DNAH14: variants seen among roughly 807,000 people sequenced by gnomAD.
The protein encoded by DNAH14 is dynein axonemal heavy chain 14, also known as axonemal beta dynein heavy chain 14.
In DNAH14, 478 loss-of-function variants were observed where a neutral mutation model predicts 520.9. The observed-to-expected ratio is 0.92, with a 90% CI of 0.85 to 0.99. The LOEUF is 0.99. Among genes scored for constraint, DNAH14 ranks in the 50% least tolerant of loss-of-function variants. The probability of loss-of-function intolerance (pLI) is 0.00; values close to 1 mark genes in which losing one functional copy is unlikely to be tolerated. For missense variants in DNAH14, 4,831 were observed against 5,234.5 expected (o/e 0.92, Z 2.38); for synonymous variants, 1,581 against 1,757.2 (o/e 0.90, Z 2.51).
rs555987753 is a variant in DNAH14 at position 225,033,884 on chromosome 1, A to G, written c.1359-4810A>G. Among the ~76,000 whole-genome samples the G allele has an allele frequency of 4.6e-5, 7 of 152,124 alleles. No individual in the cohort carries two copies. In the South Asian group the frequency reaches 1.5e-3, roughly 32 times the overall value. Reference sequence around the variant, plus strand: ...GGCTCTTGGCTTGATTGTTGTTAGTATATAGGAATGCTAGTGATTTCTGTA... The same window carrying G: ...GGCTCTTGGCTTGATTGTTGTTAGTGTATAGGAATGCTAGTGATTTCTGTA... On this transcript the variant is annotated intron_variant, in intron 11 of 85. Coordinates refer to ENST00000682510, the MANE Select transcript of DNAH14 (RefSeq NM_001367479.1).
At chr1:225,320,688 A>G (rs1353456608) in intron 61 of DNAH14, among the ~76,000 whole-genome samples, 1 of 152,196 alleles carries the variant, frequency 6.6e-6, no homozygotes, top group Non-Finnish European at 1.5e-5. Context: ...ATCCTTTGCC[A>G]TTTTGCAACA....
intron 3 of DNAH14, among the ~76,000 whole-genome samples, chr1:224,956,365 G>A (rs947102281): frequency 2.0e-5 from 3 of 152,112 alleles, no homozygotes; most frequent in African/African-American, 7.2e-5. Flanking sequence ...GGTCCCATAA[G>A]ATAATAATAC....
chr1:225,266,759 A>G lies in DNAH14; in HGVS notation c.7529A>G (p.Asn2510Ser). 1 of 1,510,264 alleles carries G rather than the reference A, an allele frequency of 6.6e-7. No homozygotes were observed. Among genetic ancestry groups the G allele is most frequent in the Non-Finnish European group, 8.8e-7 (1 of 1,133,954 alleles). The allele number at this position is 1,510,264 out of a possible 1,614,324, so 93.6% of individuals were successfully genotyped here. ...GGAGGAGTTTATGATACTGAAAAAA[A>G]TACATGGAAGGTACAGTATATACTA... ...DLGGVYDTEK[N>S]TWKNIQDLSI... is the part of the protein sequence containing the mutation. Residue 2510 changes from asparagine (N) to serine (S), a missense_variant, in exon 49 of 86, where the codon AAT becomes AGT. Physicochemically the swap from Asn to Ser is conservative, Grantham distance 46 (BLOSUM62 1). Transcript: ENST00000682510.
At position 225,152,761 on chromosome 1, in the gene DNAH14, G is replaced by A; in HGVS notation, c.5074G>A (p.Val1692Met). 6.4e-7 allele frequency: 1 copy of A among 1,551,302 alleles called. No individual in the cohort carries two copies. Among genetic ancestry groups the A allele is most frequent in the Non-Finnish European group, 8.7e-7 (1 of 1,146,804 alleles). ...KSLFRPVAMMVPHYQMIAEII... is the reference protein window; with the variant it reads ...KSLFRPVAMMMPHYQMIAEII... ...TCTGTTTCGCCCAGTGGCAATGATG[G>A]TGCCCCATTATCAAATGATTGCTGA... The change falls in exon 33 of 86, where the codon GTG (valine) becomes ATG (methionine). Residue 1692 changes from valine (V) to methionine (M), a missense_variant. Val to Met is a conservative substitution (Grantham distance 21). Transcript: ENST00000682510.
intron 66 of DNAH14, among the ~76,000 whole-genome samples, chr1:225,335,079 A>G (rs1051345447): frequency 1.3e-5 from 2 of 149,048 alleles, no homozygotes; most frequent in African/African-American, 4.9e-5. Flanking sequence ...TATAACGTAC[A>G]TATGTACATA....
chr1:224,953,424 T>C (rs1273435883), intron 2 of DNAH14, among the ~76,000 whole-genome samples: 2 of 152,148 alleles, frequency 1.3e-5, no homozygotes, highest in African/African-American at 4.8e-5. Context: ...TTATGACCTT[T>C]ATGAGAAAAT....
chr1:225,197,417 A>G (rs1298084799), intron 38 of DNAH14, among the ~76,000 whole-genome samples: 1 of 152,166 alleles, frequency 6.6e-6, no homozygotes, highest in African/African-American at 2.4e-5. Flanking sequence ...TTTTTATACC[A>G]GTACCATGCT....
rs1217378705 is a variant in DNAH14, at chr1:225,289,896, T to C, written c.8283T>C (p.Asp2761=). The change falls in exon 55 of 86, where the codon GAT becomes GAC. Residue 2761 remains aspartate (D), a synonymous_variant. Transcript: ENST00000682510. ...PGSHMLLIGI[D]GCGKKTCATL... ...CTTTTCTCCCAAAGATTGGAATAGA[T>C]GGATGTGGGAAAAAAACATGTGCAA... The C allele has an allele frequency of 7.0e-7, 1 of 1,419,348 alleles. No individual in the cohort carries two copies. The highest frequency in any genetic ancestry group is 9.3e-7 in the Non-Finnish European group (1 of 1,076,144). 87.9% of individuals were successfully genotyped at this position (1,419,348 alleles called of 1,614,324 possible).
chr1:225,107,789 T>G (rs3120985), intron 23 of DNAH14, among the ~76,000 whole-genome samples: 11,111 of 152,258 alleles, frequency 0.073, 633 homozygotes, highest in East Asian at 0.24. Flanking sequence ...TTTCTCCATA[T>G]CCTTGCCAAC....
chr1:225,014,112 G>A (rs574394702), intron 10 of DNAH14, among the ~76,000 whole-genome samples: 57 of 152,330 alleles, frequency 3.7e-4, no homozygotes, highest in African/African-American at 1.3e-3. Context: ...TTCCTGGTCT[G>A]TGGGTTGCCA....
intron 1 of DNAH14, among the ~76,000 whole-genome samples, chr1:224,946,286 C>T (rs2059823571): frequency 6.6e-6 from 1 of 152,028 alleles, no homozygotes; most frequent in African/African-American, 2.4e-5. Context: ...GTAGGACCCT[C>T]CGAGCCAGAC....
intron 8 of DNAH14, among the ~76,000 whole-genome samples, chr1:224,974,586 G>C (rs757401359): frequency 2.6e-5 from 4 of 152,132 alleles, no homozygotes; most frequent in Non-Finnish European, 5.9e-5. Flanking sequence ...CTTTTACCCA[G>C]TTTCCCTCCC....
In DNAH14 at chr1:225,271,985, C is replaced by T. The variant is rs569630401; in HGVS notation, c.7751C>T (p.Ser2584Phe). The change falls in exon 51 of 86, where the codon TCC becomes TTC. Residue 2584 changes from serine to phenylalanine, a missense_variant. By Grantham distance (155) the Ser-to-Phe change is radical. Coordinates refer to ENST00000682510, the MANE Select transcript of DNAH14 (RefSeq NM_001367479.1). ...AGTAAGGATCAGATAATATCTTGTT[C>T]CCTAGCTATATACCATCAAGTACGT... ...QKSKDQIISC[S>F]LAIYHQVRQN... is the part of the protein sequence containing the mutation. 2.5e-4 allele frequency: 393 copies of T among 1,550,582 alleles called. 1 individual carries two copies. The Middle Eastern group carries it at 2.7e-3, about 11-fold the overall frequency.
chr1:225,193,018 G>A, intron 38 of DNAH14, 107 bp downstream of exon 38: 2 of 858,944 alleles, frequency 2.3e-6, no homozygotes, highest in Non-Finnish European at 3.3e-6. Flanking sequence ...TAGTGTAAAA[G>A]TAAATTTTAA....
Position 225,353,824 on chromosome 1 carries a change from A to C in DNAH14, c.11555A>C (p.Lys3852Thr). The C allele has an allele frequency of 6.6e-7, 1 of 1,512,344 alleles. No homozygotes were observed. The highest frequency in any genetic ancestry group is 8.9e-7 in the Non-Finnish European group (1 of 1,119,984). The allele number at this position is 1,512,344 out of a possible 1,614,324, so 93.7% of individuals were successfully genotyped here. The stretch of plus-strand genomic sequence containing the variant: ...CTAGCTGAACTTTTGAATGAAAATA[A>C]AGAAACGTGTAATCCTATAAATTTT... ...PEETELLNENKETCNPINFPW... is the reference protein window; with the variant it reads ...PEETELLNENTETCNPINFPW... Residue 3852 changes from lysine to threonine, a missense_variant, in exon 73 of 86, where the codon AAA becomes ACA. Transcript: ENST00000682510.
chr1:224,973,740 T>C (rs1002992377), intron 7 of DNAH14, among the ~76,000 whole-genome samples: 1 of 152,186 alleles, frequency 6.6e-6, no homozygotes, highest in East Asian at 1.9e-4. Flanking sequence ...TCACTGAAAA[T>C]TGAATCTTGA....
intron 31 of DNAH14, among the ~76,000 whole-genome samples, chr1:225,149,259 T>G (rs1428934932): frequency 6.6e-6 from 1 of 152,166 alleles, no homozygotes; most frequent in African/African-American, 2.4e-5. Context: ...ATTTTGGGGC[T>G]CTCTATTCTG....
intron 64 of DNAH14, 107 bp downstream of exon 64, chr1:225,324,939 A>G: frequency 1.5e-6 from 1 of 657,098 alleles, no homozygotes. Flanking sequence ...TAATATAGGT[A>G]GTGAAAAGAT....
At chr1:225,315,790 C>T (rs1355223940) in intron 60 of DNAH14, among the ~76,000 whole-genome samples, 1 of 152,226 alleles carries the variant, frequency 6.6e-6, no homozygotes, top group African/African-American at 2.4e-5. Context: ...AGATTGCTGC[C>T]TGCTCCTTCC....
Sources: allele counts gnomAD v4.1 joint callset (sites outside exome capture counted in the v4.1 genomes callset), GRCh38; gene constraint gnomAD v4.1.1; transcripts MANE v1.5; gene names NCBI Gene and HGNC (gene_info 2026-07-23, HGNC 2026-07-21).